The following DENND5B variants were observed in gnomAD, a reference collection of about 807,000 sequenced individuals.
DENND5B encodes the protein DENN domain containing 5B.
In DENND5B, 34 loss-of-function variants were observed where a neutral mutation model predicts 140.6. That is an observed-to-expected ratio of 0.24 (90% confidence interval 0.18 to 0.32). The LOEUF (loss-of-function observed/expected upper bound fraction) is 0.32. Among genes scored for constraint, DENND5B ranks in the 10% least tolerant of loss-of-function variants. The pLI, the probability that DENND5B is intolerant of heterozygous loss-of-function variation, is 1.00. For synonymous variants in DENND5B, 551 were observed against 562.1 expected (o/e 0.98, Z 0.28); for missense variants, 1,142 against 1,560.2 (o/e 0.73, Z 4.52).
intron 2 of DENND5B, among the ~76,000 whole-genome samples, chr12:31,480,510 C>T (rs560868796): frequency 6.6e-6 from 1 of 152,240 alleles, no homozygotes; most frequent in Non-Finnish European, 1.5e-5. Context: ...TTACTAAGAA[C>T]AAGAGAATCA....
At chr12:31,398,486 AT>A (rs1267863488) in intron 16 of DENND5B, 124 bp from the exon 17 acceptor site, 7 of 880,280 alleles carry the variant, frequency 8.0e-6, no homozygotes, top group African/African-American at 3.4e-5. Context: ...TGTGTTTTTT[AT>A]AGAGAGGTCT....
chr12:31,406,251 C>CTAG (rs1942123754), intron 14 of DENND5B, among the ~76,000 whole-genome samples: 1 of 151,966 alleles, frequency 6.6e-6, no homozygotes, highest in South Asian at 2.1e-4. Context: ...GAAAGATCTA[C>CTAG]AAGTAGGATG....
At chr12:31,577,914 C>G (rs1950072029) in intron 1 of DENND5B, among the ~76,000 whole-genome samples, 1 of 151,780 alleles carries the variant, frequency 6.6e-6, no homozygotes, top group Admixed American at 6.6e-5. Flanking sequence ...AGCTTGAGCT[C>G]TGGAGTTCGA....
intron 1 of DENND5B, among the ~76,000 whole-genome samples, chr12:31,552,491 G>A (rs369881308): frequency 2.0e-4 from 30 of 152,236 alleles, no homozygotes; most frequent in African/African-American, 3.1e-4. Context: ...TTTTTGCATC[G>A]ATGTTCATCA....
At chr12:31,434,018 A>G (rs1048446087) in intron 7 of DENND5B, among the ~76,000 whole-genome samples, 19 of 152,202 alleles carry the variant, frequency 1.2e-4, no homozygotes, top group African/African-American at 4.3e-4. Context: ...ATTCAAACTC[A>G]TAAGAGTGAG....
At chr12:31,408,838 ATC>A (rs1201554971) in intron 14 of DENND5B, among the ~76,000 whole-genome samples, 2 of 152,122 alleles carry the variant, frequency 1.3e-5, no homozygotes, top group African/African-American at 4.8e-5. Flanking sequence ...TTGGGAAGAA[ATC>A]TCTGAGTCAG....
rs916605649 is a variant in DENND5B, at chr12:31,590,953, A to G, written c.-121T>C. The G allele has an allele frequency of 1.5e-5, 16 of 1,056,604 alleles. No homozygotes were observed. Among genetic ancestry groups the G allele is most frequent in the Middle Eastern group, 4.0e-4 (1 of 2,470 alleles). 65.5% of individuals were successfully genotyped at this position (1,056,604 alleles called of 1,614,324 possible). A position where few individuals can be genotyped will look rare whatever the true frequency, so the allele number is the denominator to read the frequency against. ...GCCCTAGGGCGACACTGGCGCGCCC[A>G]TGGCCGCGCAGCCGCCTCTCGCCGC... On this transcript the variant is annotated 5_prime_UTR_variant, in exon 1 of 21. It removes an upstream start codon present in the reference 5' UTR. Transcript: ENST00000389082.
At chr12:31,472,225 C>T (rs1202609531) in intron 3 of DENND5B, among the ~76,000 whole-genome samples, 1 of 152,156 alleles carries the variant, frequency 6.6e-6, no homozygotes, top group Non-Finnish European at 1.5e-5. Flanking sequence ...GGACTCAACC[C>T]AGCAGGGTGG....
rs536491149 is a variant in DENND5B at position 31,406,053 on chromosome 12, G to C, written c.2803+3210C>G. On this transcript the variant is annotated intron_variant, in intron 14 of 20. Transcript: ENST00000389082. Reference sequence around the variant, plus strand: ...GTAGAGACAGGGTTTCCCCATGTTGGCCAGGCTGGTCTTGACCTCCTGACC... The same window carrying C: ...GTAGAGACAGGGTTTCCCCATGTTGCCCAGGCTGGTCTTGACCTCCTGACC... Among the ~76,000 whole-genome samples the C allele has an allele frequency of 2.8e-4, 43 of 151,206 alleles. No homozygotes were observed. In the South Asian group the frequency reaches 8.8e-3, roughly 31 times the overall value.
intron 3 of DENND5B, among the ~76,000 whole-genome samples, chr12:31,468,790 C>T (rs1250278992): frequency 4.0e-5 from 6 of 150,746 alleles, no homozygotes; most frequent in Non-Finnish European, 7.4e-5. Context: ...CCAGGATGAG[C>T]GACAGGGTGA....
chr12:31,541,718 A>G (rs1948685521), intron 1 of DENND5B, among the ~76,000 whole-genome samples: 1 of 152,200 alleles, frequency 6.6e-6, no homozygotes. Flanking sequence ...AAATAAAGGA[A>G]ATCAGTATAT....
chr12:31,479,677 C>G lies in DENND5B; in HGVS notation c.816G>C (p.Arg272=). 1 of 1,585,718 alleles carries G rather than the reference C, an allele frequency of 6.3e-7. No homozygotes were observed. ...CTAATCCCAGGAGCTCAAATGCCTC[C>G]CGAAGGGGGTAATCAGAGAGGGGGA... The part of the protein sequence containing the change: ...SELPLSDYPL[R]EAFELLGLEN... The change falls in exon 3 of 21, where the codon CGG becomes CGC. Residue 272 remains arginine, a synonymous_variant. Transcript: ENST00000389082.
intron 3 of DENND5B, 135 bp downstream of exon 3, chr12:31,479,454 C>T: frequency 2.5e-6 from 2 of 803,280 alleles, no homozygotes; most frequent in South Asian, 4.2e-5. Context: ...CTGGTCCCAC[C>T]ATACCTGCTC....
intron 10 of DENND5B, among the ~76,000 whole-genome samples, chr12:31,424,089 A>G (rs1943136731): frequency 6.6e-6 from 1 of 152,220 alleles, no homozygotes; most frequent in South Asian, 2.1e-4. Context: ...ATAAGAGAAA[A>G]AAATCGAGGT....
In DENND5B at chr12:31,449,731, G is replaced by GTTTTTTTTTTTT. The variant is rs771712867; in HGVS notation, c.1630-1974_1630-1963dup. ...ATAAACCATGGATATACACAGATTA[G>GTTTTTTTTTTTT]TTTTTTTTTTTTTTTTTTGAGACAG... On this transcript the variant is annotated intron_variant, in intron 5 of 20. Coordinates refer to ENST00000389082, the MANE Select transcript of DENND5B (RefSeq NM_144973.4). 2.8e-3 allele frequency among the ~76,000 whole-genome samples: 254 copies of GTTTTTTTTTTTT among 89,820 alleles called. 15 individuals are homozygous for GTTTTTTTTTTTT. Among genetic ancestry groups the GTTTTTTTTTTTT allele is most frequent in the Non-Finnish European group, 3.9e-3 (181 of 46,766 alleles). 58.9% of individuals were successfully genotyped at this position (89,820 alleles called of 152,430 possible).
intron 1 of DENND5B, among the ~76,000 whole-genome samples, chr12:31,542,714 G>C (rs1487439654): frequency 6.6e-6 from 1 of 152,140 alleles, no homozygotes; most frequent in Non-Finnish European, 1.5e-5. Flanking sequence ...CCAACACTTT[G>C]GGAGGCCAAA....
intron 5 of DENND5B, among the ~76,000 whole-genome samples, chr12:31,448,909 G>T (rs1429102894): frequency 7.9e-5 from 12 of 152,154 alleles, no homozygotes; most frequent in Admixed American, 7.9e-4. Flanking sequence ...AGCCTTTGGA[G>T]AACGAGTACA....
In DENND5B at chr12:31,515,306, A is replaced by G. The variant is rs372580022; in HGVS notation, c.128-19387T>C. On this transcript the variant is annotated intron_variant, in intron 1 of 20. Transcript: ENST00000389082. ...GGTGACAGAGTGAGACCCCATCTCT[A>G]AATACATACACATACATTTTTTAAA... 5.5e-4 allele frequency among the ~76,000 whole-genome samples: 84 copies of G among 152,214 alleles called. 1 individual carries two copies. The highest frequency in any genetic ancestry group is 2.0e-3 in the African/African-American group (81 of 41,452).
At chr12:31,434,520 C>A (rs1343088993) in intron 7 of DENND5B, among the ~76,000 whole-genome samples, 1 of 152,132 alleles carries the variant, frequency 6.6e-6, no homozygotes, top group East Asian at 1.9e-4. Context: ...CCCAGACCTG[C>A]CCTGGATGAT....
Sources: allele counts gnomAD v4.1 joint callset (sites outside exome capture counted in the v4.1 genomes callset), GRCh38; gene constraint gnomAD v4.1.1; transcripts MANE v1.5; gene names NCBI Gene and HGNC (gene_info 2026-07-23, HGNC 2026-07-21).